The following PARL variants were observed in gnomAD, a reference collection of about 807,000 sequenced individuals.
The protein encoded by PARL is presenilin associated rhomboid like, also known as presenilin-associated rhomboid-like protein, mitochondrial.
In PARL, 44 loss-of-function variants were observed where a neutral mutation model predicts 51.6. The ratio of observed to expected loss-of-function variants is 0.85; its 90% CI spans 0.67 to 1.10. The LOEUF (loss-of-function observed/expected upper bound fraction) is 1.10. Ranked by LOEUF, PARL falls within the 50% of genes least tolerant of loss-of-function variation. The pLI, the probability that PARL is intolerant of heterozygous loss-of-function variation, is 0.00. For synonymous variants in PARL, 172 were observed against 164.0 expected, an observed-to-expected ratio of 1.05 and a Z score of -0.37; for missense variants, 441 against 469.5, an observed-to-expected ratio of 0.94 and a Z score of 0.56.
intron 3 of PARL, among the ~76,000 whole-genome samples, chr3:183,864,008 T>C (rs1174936462): frequency 1.3e-5 from 2 of 152,232 alleles, no homozygotes; most frequent in African/African-American, 2.4e-5. Context: ...CAAAACTTCA[T>C]GTGCAGACAT....
intron 1 of PARL, chr3:183,879,631 G>C (rs557532083): frequency 4.1e-6 from 2 of 488,728 alleles, no homozygotes; most frequent in Non-Finnish European, 5.3e-6. Flanking sequence ...TTTTCTATTG[G>C]AATAAGGATG....
intron 4 of PARL, chr3:183,846,450 G>A (rs1432413607): frequency 9.5e-6 from 8 of 842,764 alleles, no homozygotes; most frequent in African/African-American, 3.7e-5. Context: ...CCGAGATCAC[G>A]CCATTGCACT....
downstream of PARL, chr3:183,829,150 C>A: frequency 5.5e-6 from 1 of 181,262 alleles, no homozygotes; most frequent in Non-Finnish European, 1.2e-5. Context: ...GCTGTTATTT[C>A]AGATTGTGCT....
At chr3:183,842,868 T>TA (rs1324161094) in intron 5 of PARL, among the ~76,000 whole-genome samples, 1 of 146,180 alleles carries the variant, frequency 6.8e-6, no homozygotes, top group Non-Finnish European at 1.5e-5. Flanking sequence ...CAGCTATTTT[T>TA]AAGACTTTTT....
At chr3:183,875,371 T>C (rs1399305909) in intron 1 of PARL, among the ~76,000 whole-genome samples, 1 of 128,878 alleles carries the variant, frequency 7.8e-6, no homozygotes, top group Admixed American at 1.0e-4. Context: ...GCTGAGATTG[T>C]GCCACTGCAC....
In PARL at chr3:183,829,458, G is replaced by A; in HGVS notation, c.*140C>T. The A allele has an allele frequency of 1.9e-6, 3 of 1,602,488 alleles. No homozygotes were observed. Among genetic ancestry groups the A allele is most frequent in the Non-Finnish European group, 2.6e-6 (3 of 1,174,646 alleles). On this transcript the variant is annotated 3_prime_UTR_variant, in exon 10 of 10. Transcript: ENST00000317096. ...TTCACATTCTAAAAAGACACGGACT[G>A]GGGGACACAGCTGAAAACAGTGGGA...
rs1310868931 is a variant in PARL at position 183,874,416 on chromosome 3, T to TTC, written c.126-6357_126-6356insGA. ...TTGAAATCATTAGAAATAATCTTTT[T>TTC]TTTTTTTTTTGAGATGGAGTTTTGC... On this transcript the variant is annotated intron_variant, in intron 1 of 9. Transcript: ENST00000317096. Among the ~76,000 whole-genome samples the TTC allele has an allele frequency of 2.0e-5, 3 of 151,516 alleles. No individual in the cohort carries two copies. In the South Asian group the frequency reaches 6.3e-4, roughly 32 times the overall value.
downstream of PARL, among the ~76,000 whole-genome samples, chr3:183,827,666 C>T (rs1727527462): frequency 6.6e-6 from 1 of 152,060 alleles, no homozygotes; most frequent in Non-Finnish European, 1.5e-5. Context: ...AGAGGGAGAT[C>T]TCGAATGGCT....
At chr3:183,858,420 T>C (rs972339730) in intron 4 of PARL, among the ~76,000 whole-genome samples, 2 of 151,976 alleles carry the variant, frequency 1.3e-5, no homozygotes, top group Non-Finnish European at 2.9e-5. Context: ...GACTGGAGAG[T>C]AGTAGTGACT....
At chr3:183,869,206 C>G (rs1189714662) in intron 1 of PARL, among the ~76,000 whole-genome samples, 1 of 152,038 alleles carries the variant, frequency 6.6e-6, no homozygotes, top group East Asian at 1.9e-4. Context: ...AACATATTAT[C>G]CCTTCTTATA....
chr3:183,868,972 C>G (rs138131956), intron 1 of PARL, among the ~76,000 whole-genome samples: 1 of 152,128 alleles, frequency 6.6e-6, no homozygotes, highest in Non-Finnish European at 1.5e-5. Flanking sequence ...TACAGCTTGA[C>G]TTCCTCAAAA....
At chr3:183,831,461 C>CT (rs1727933698) in intron 9 of PARL, among the ~76,000 whole-genome samples, 1 of 152,250 alleles carries the variant, frequency 6.6e-6, no homozygotes, top group African/African-American at 2.4e-5. Context: ...AGCCAGCCCT[C>CT]ATCTGAAACT....
At chr3:183,882,260 T>C (rs1179946960) in intron 1 of PARL, among the ~76,000 whole-genome samples, 1 of 33,388 alleles carries the variant, frequency 3.0e-5, no homozygotes, top group African/African-American at 1.2e-4. Context: ...TATATATATA[T>C]ATATATATTT....
intron 7 of PARL, among the ~76,000 whole-genome samples, chr3:183,835,399 T>G (rs1395157908): frequency 6.6e-6 from 1 of 152,136 alleles, no homozygotes; most frequent in Non-Finnish European, 1.5e-5. Context: ...GTCCCAGAGA[T>G]CTCAGATGTC....
At chr3:183,831,941 G>T (rs1727988559) in intron 9 of PARL, among the ~76,000 whole-genome samples, 1 of 152,066 alleles carries the variant, frequency 6.6e-6, no homozygotes, top group African/African-American at 2.4e-5. Flanking sequence ...AATGGAAAAA[G>T]GCCACCTAAT....
chr3:183,883,561 C>T (rs1734794297), intron 1 of PARL: 1 of 983,318 alleles, frequency 1.0e-6, no homozygotes, highest in African/African-American at 1.7e-5. Flanking sequence ...TGTGAGCCAC[C>T]ACGCCCGGCC....
rs369220807 is a variant in PARL at position 183,855,901 on chromosome 3, A to G, written c.511+6852T>C. Reference sequence around the variant, plus strand: ...CCTGAATCCGGGAGAGATTGCAGTGAGCCAAGATCACACCACTACATTCTA... The same window carrying G: ...CCTGAATCCGGGAGAGATTGCAGTGGGCCAAGATCACACCACTACATTCTA... On this transcript the variant is annotated intron_variant, in intron 4 of 9. Coordinates refer to ENST00000317096, the MANE Select transcript of PARL (RefSeq NM_018622.7). Among the ~76,000 whole-genome samples, 19 of 151,856 alleles carry G rather than the reference A, an allele frequency of 1.3e-4. No individual in the cohort carries two copies. The East Asian group carries it at 2.5e-3, about 20-fold the overall frequency.
rs1729553744 is a variant in PARL, at chr3:183,843,229, T to C, written c.608-782A>G. 4.1e-6 allele frequency: 4 copies of C among 985,172 alleles called. No individual in the cohort carries two copies. The South Asian group carries it at 1.9e-4, about 46-fold the overall frequency. 61.0% of individuals were successfully genotyped at this position (985,172 alleles called of 1,614,324 possible). A position where few individuals can be genotyped will look rare whatever the true frequency, so the allele number is the denominator to read the frequency against. The stretch of plus-strand genomic sequence containing the variant: ...TGACAAAAAGCTGTCTTAATAAATC[T>C]CTTTTCTACTTAGTAAGCAACCAAT... On this transcript the variant is annotated intron_variant, in intron 5 of 9. Transcript: ENST00000317096.
At chr3:183,840,707 T>TTA in intron 6 of PARL, 67 bp from the exon 7 acceptor site, 2 of 829,196 alleles carry the variant, frequency 2.4e-6, no homozygotes, top group East Asian at 2.6e-5. Flanking sequence ...TTTTTTTCTT[T>TTA]TCTTTTTTTT....
Sources: allele counts gnomAD v4.1 joint callset (sites outside exome capture counted in the v4.1 genomes callset), GRCh38; gene constraint gnomAD v4.1.1; transcripts MANE v1.5; gene names NCBI Gene and HGNC (gene_info 2026-07-23, HGNC 2026-07-21).